FCHSD2: variants seen among roughly 807,000 people sequenced by gnomAD.
FCHSD2 encodes F-BAR and double SH3 domains protein 2.
FCHSD2 carries 38 observed loss-of-function variants against 108.1 expected under a neutral mutation model. The ratio of observed to expected loss-of-function variants is 0.35; its 90% CI spans 0.27 to 0.46. The LOEUF is 0.46. Among genes scored for constraint, FCHSD2 ranks in the 20% least tolerant of loss-of-function variants. FCHSD2 has a pLI of 1.00. For synonymous variants in FCHSD2, 279 were observed against 314.7 expected (o/e 0.89, Z 1.20); for missense variants, 751 against 897.8 (o/e 0.84, Z 2.09).
At chr11:72,905,817 T>A (rs1425198278) in intron 9 of FCHSD2, among the ~76,000 whole-genome samples, 1 of 152,218 alleles carries the variant, frequency 6.6e-6, no homozygotes, top group Non-Finnish European at 1.5e-5. Context: ...ATGTGCTATA[T>A]TTTCTTAATC....
At chr11:72,918,955 A>G (rs1855928500) in intron 9 of FCHSD2, among the ~76,000 whole-genome samples, 1 of 152,182 alleles carries the variant, frequency 6.6e-6, no homozygotes. Context: ...AAGAAAAGCA[A>G]GCTTCATAAA....
intron 2 of FCHSD2, among the ~76,000 whole-genome samples, chr11:73,109,118 G>A (rs1347046222): frequency 2.0e-5 from 3 of 152,134 alleles, no homozygotes; most frequent in Admixed American, 6.5e-5. Flanking sequence ...CCAGTACCAT[G>A]CTGTTTTGTA....
chr11:73,040,887 T>TC (rs1015592588), intron 3 of FCHSD2, among the ~76,000 whole-genome samples: 66 of 150,764 alleles, frequency 4.4e-4, no homozygotes, highest in Admixed American at 2.9e-3. Context: ...CACAAACTGC[T>TC]CCCCCCCCTC....
intron 3 of FCHSD2, among the ~76,000 whole-genome samples, chr11:73,057,782 C>T (rs919154287): frequency 3.9e-5 from 6 of 152,088 alleles, no homozygotes; most frequent in African/African-American, 1.2e-4. Context: ...CAATGTATTG[C>T]GCCCCACAGC....
chr11:73,134,351 T>A (rs945828539), intron 2 of FCHSD2, among the ~76,000 whole-genome samples: 4 of 151,980 alleles, frequency 2.6e-5, no homozygotes, highest in African/African-American at 9.7e-5. Context: ...ATGCCTGTGG[T>A]CCCAGCTACT....
At chr11:72,916,659 T>C (rs1855880237) in intron 9 of FCHSD2, among the ~76,000 whole-genome samples, 2 of 152,210 alleles carry the variant, frequency 1.3e-5, no homozygotes, top group Admixed American at 1.3e-4. Context: ...TGTTGAGTTG[T>C]AAGAGTTCTT....
In FCHSD2 at chr11:72,865,414, A is replaced by G. The variant is rs577866082; in HGVS notation, c.1308+2451T>C. On this transcript the variant is annotated intron_variant, in intron 13 of 19. Coordinates refer to ENST00000409418, the MANE Select transcript of FCHSD2 (RefSeq NM_014824.3). The stretch of plus-strand genomic sequence containing the variant: ...CTCTCAGTTGAAAGATGCAGGCTCC[A>G]TAAGAGTGATGAGGGGGAAGAAAAA... Among the ~76,000 whole-genome samples, 30 of 152,344 alleles carry G rather than the reference A, an allele frequency of 2.0e-4. 1 individual carries two copies. In the South Asian group the frequency reaches 6.2e-3, roughly 32 times the overall value.
intron 9 of FCHSD2, among the ~76,000 whole-genome samples, chr11:72,911,720 C>A (rs1322325865): frequency 6.6e-6 from 1 of 151,892 alleles, no homozygotes; most frequent in Non-Finnish European, 1.5e-5. Flanking sequence ...TACATGTGCA[C>A]AATGTGCAGG....
At chr11:73,006,511 T>C (rs1857744249) in intron 4 of FCHSD2, among the ~76,000 whole-genome samples, 2 of 152,122 alleles carry the variant, frequency 1.3e-5, no homozygotes, top group South Asian at 4.1e-4. Flanking sequence ...TGGAATTTAA[T>C]TACTGCCAGT....
At chr11:73,078,929 G>T (rs1859618871) in intron 3 of FCHSD2, among the ~76,000 whole-genome samples, 1 of 151,930 alleles carries the variant, frequency 6.6e-6, no homozygotes. Flanking sequence ...TATGTTGTCA[G>T]GCCGGTCTGA....
chr11:73,106,859 C>T (rs923433367), intron 2 of FCHSD2, among the ~76,000 whole-genome samples: 4 of 152,078 alleles, frequency 2.6e-5, no homozygotes, highest in African/African-American at 7.2e-5. Context: ...TGTGTAAGTA[C>T]ATTCTATGAT....
At chr11:72,876,011 C>T (rs1053323036) in intron 12 of FCHSD2, among the ~76,000 whole-genome samples, 9 of 152,270 alleles carry the variant, frequency 5.9e-5, no homozygotes, top group African/African-American at 2.2e-4. Flanking sequence ...TAACCTCAGG[C>T]AAAACCAGCA....
intron 8 of FCHSD2, among the ~76,000 whole-genome samples, chr11:72,963,600 C>T (rs554415957): frequency 1.2e-4 from 19 of 152,252 alleles, no homozygotes; most frequent in African/African-American, 4.1e-4. Context: ...GGACCAGTTT[C>T]GTGGAAGATA....
At chr11:72,961,243 G>C (rs1312248666) in intron 8 of FCHSD2, among the ~76,000 whole-genome samples, 1 of 151,940 alleles carries the variant, frequency 6.6e-6, no homozygotes, top group East Asian at 1.9e-4. Context: ...CTTTTTGTTT[G>C]TTTTTTGAGA....
chr11:73,118,217 G>A (rs760400814), intron 2 of FCHSD2, among the ~76,000 whole-genome samples: 40 of 152,250 alleles, frequency 2.6e-4, no homozygotes, highest in Non-Finnish European at 5.3e-4. Context: ...AACTTGGGAG[G>A]CTGAGGCAGG....
chr11:72,982,423 T>A (rs1857231333), intron 8 of FCHSD2, among the ~76,000 whole-genome samples: 1 of 152,180 alleles, frequency 6.6e-6, no homozygotes, highest in Non-Finnish European at 1.5e-5. Flanking sequence ...TTGTTAGTCA[T>A]TAAGAACAAT....
intron 8 of FCHSD2, among the ~76,000 whole-genome samples, chr11:72,949,884 G>T (rs1288355039): frequency 6.6e-6 from 1 of 152,138 alleles, no homozygotes; most frequent in Non-Finnish European, 1.5e-5. Flanking sequence ...GTTCTCTTGG[G>T]TATAAATCTA....
chr11:72,978,822 T>TTCA (rs1215612505), intron 8 of FCHSD2, among the ~76,000 whole-genome samples: 2 of 151,740 alleles, frequency 1.3e-5, no homozygotes, highest in Non-Finnish European at 2.9e-5. Context: ...CCCTTTCTTC[T>TTCA]TCATAAATTA....
At chr11:72,968,913 A>T (rs1856961509) in intron 8 of FCHSD2, among the ~76,000 whole-genome samples, 1 of 152,216 alleles carries the variant, frequency 6.6e-6, no homozygotes, top group South Asian at 2.1e-4. Context: ...AACAAAAATA[A>T]AACCCAGTTA....
Sources: gnomAD v4.1 joint callset for allele counts (sites outside exome capture counted in the v4.1 genomes callset) on GRCh38, gnomAD v4.1.1 for gene constraint, MANE v1.5 for transcripts, NCBI Gene and HGNC (gene_info 2026-07-23, HGNC 2026-07-21) for gene names.